The following ASAP1 variants were observed in gnomAD, a reference collection of about 807,000 sequenced individuals.
ASAP1 encodes arf-GAP with SH3 domain, ANK repeat and PH domain-containing protein 1.
In ASAP1, 43 loss-of-function variants were observed where a neutral mutation model predicts 145.2. That is an observed-to-expected ratio of 0.30 (90% CI 0.23 to 0.38). The LOEUF is 0.38. Among genes scored for constraint, ASAP1 ranks in the 10% least tolerant of loss-of-function variants. The pLI is 1.00. For missense variants in ASAP1, 1,018 were observed against 1,355.3 expected, an observed-to-expected ratio of 0.75 and a Z score of 3.91; for synonymous variants, 546 against 515.5, an observed-to-expected ratio of 1.06 and a Z score of -0.80.
rs551446286 is a variant in ASAP1, at chr8:130,338,592, G to C, written c.186+19425C>G. Reference sequence around the variant, plus strand: ...TGACTCTAGCTAGTCATGCATCTGTGTGGAATTTTTTCCATTTCTTTTATT... The same window carrying C: ...TGACTCTAGCTAGTCATGCATCTGTCTGGAATTTTTTCCATTTCTTTTATT... On this transcript the variant is annotated intron_variant, in intron 3 of 29. Transcript: ENST00000518721. 2.1e-4 allele frequency among the ~76,000 whole-genome samples: 32 copies of C among 152,300 alleles called. No individual in the cohort carries two copies. In the South Asian group the frequency reaches 6.6e-3, roughly 32 times the overall value.
intron 9 of ASAP1, among the ~76,000 whole-genome samples, chr8:130,176,221 T>C (rs544258224): frequency 1.3e-5 from 2 of 152,352 alleles, no homozygotes; most frequent in East Asian, 3.9e-4. Context: ...CAGCTGACTT[T>C]GTACTGAAAA....
chr8:130,329,272 C>T (rs1429612254), intron 3 of ASAP1, among the ~76,000 whole-genome samples: 1 of 152,236 alleles, frequency 6.6e-6, no homozygotes, highest in African/African-American at 2.4e-5. Flanking sequence ...TTGCTCCTCT[C>T]AAAACATGGC....
At chr8:130,198,062 T>C (rs1364071700) in intron 5 of ASAP1, among the ~76,000 whole-genome samples, 2 of 152,098 alleles carry the variant, frequency 1.3e-5, no homozygotes, top group Non-Finnish European at 2.9e-5. Context: ...CCTTCCCTAC[T>C]GAGGCTAGGG....
chr8:130,368,165 C>T (rs1247815077), intron 2 of ASAP1, among the ~76,000 whole-genome samples: 1 of 152,086 alleles, frequency 6.6e-6, no homozygotes, highest in African/African-American at 2.4e-5. Context: ...AGGTTTTTTG[C>T]TCTGGCCTTA....
intron 3 of ASAP1, among the ~76,000 whole-genome samples, chr8:130,351,969 C>G (rs1396089767): frequency 1.3e-5 from 2 of 152,200 alleles, no homozygotes; most frequent in Non-Finnish European, 2.9e-5. Flanking sequence ...ATTCTACAGA[C>G]AGATATATTC....
At chr8:130,167,907 T>C (rs1023213076) in intron 10 of ASAP1, among the ~76,000 whole-genome samples, 2 of 152,230 alleles carry the variant, frequency 1.3e-5, no homozygotes, top group Non-Finnish European at 2.9e-5. Context: ...ATTGAGATTA[T>C]TTGCTTCTGG....
chr8:130,331,090 A>G (rs1272717513), intron 3 of ASAP1, among the ~76,000 whole-genome samples: 1 of 152,210 alleles, frequency 6.6e-6, no homozygotes, highest in Non-Finnish European at 1.5e-5. Context: ...GATGGACATA[A>G]AGAATAGATA....
intron 18 of ASAP1, among the ~76,000 whole-genome samples, chr8:130,123,337 G>A (rs1592853221): frequency 6.6e-6 from 1 of 152,186 alleles, no homozygotes; most frequent in Non-Finnish European, 1.5e-5. Context: ...TTGCTGAGTG[G>A]GTTTTTAAGC....
At chr8:130,160,149 C>T in intron 11 of ASAP1, 185 bp from the exon 12 acceptor site, 1 of 573,544 alleles carries the variant, frequency 1.7e-6, no homozygotes, top group Non-Finnish European at 3.1e-6. Flanking sequence ...GCCAGAGTCA[C>T]AAAGCAAGTC....
intron 3 of ASAP1, among the ~76,000 whole-genome samples, chr8:130,322,257 T>C (rs1396181185): frequency 1.3e-5 from 2 of 151,884 alleles, no homozygotes; most frequent in Non-Finnish European, 2.9e-5. Flanking sequence ...CATACTCAGG[T>C]TTAGTTAGAA....
intron 18 of ASAP1, among the ~76,000 whole-genome samples, chr8:130,123,789 G>A (rs140464891): frequency 0.015 from 2,331 of 152,048 alleles, 62 homozygotes; most frequent in African/African-American, 0.052. Context: ...CACCACGCCC[G>A]GCTAATTTTT....
intron 27 of ASAP1, among the ~76,000 whole-genome samples, chr8:130,065,678 A>G (rs2097429236): frequency 6.6e-6 from 1 of 152,188 alleles, no homozygotes; most frequent in Non-Finnish European, 1.5e-5. Flanking sequence ...TTATACCAAA[A>G]CAAATGTATC....
intron 3 of ASAP1, among the ~76,000 whole-genome samples, chr8:130,256,883 C>T (rs771062244): frequency 3.8e-4 from 57 of 148,620 alleles, no homozygotes; most frequent in African/African-American, 5.2e-4. Flanking sequence ...TTTAATATAC[C>T]GCTGGGAGTA....
At chr8:130,327,852 T>G (rs543938095) in intron 3 of ASAP1, among the ~76,000 whole-genome samples, 1 of 152,296 alleles carries the variant, frequency 6.6e-6, no homozygotes, top group Admixed American at 6.5e-5. Context: ...TAAAAAACAC[T>G]GCATTGTATA....
intron 3 of ASAP1, among the ~76,000 whole-genome samples, chr8:130,319,246 C>T (rs116927205): frequency 0.016 from 2,500 of 152,228 alleles, 30 homozygotes; most frequent in Non-Finnish European, 0.025. Context: ...GATCACATAG[C>T]CAGAACCAGC....
chr8:130,098,695 G>A (rs537740964), intron 24 of ASAP1, among the ~76,000 whole-genome samples: 4 of 152,158 alleles, frequency 2.6e-5, no homozygotes, highest in Admixed American at 2.6e-4. Flanking sequence ...AGGATACATA[G>A]TGATATTTCA....
At chr8:130,325,129 T>C (rs1824246686) in intron 3 of ASAP1, among the ~76,000 whole-genome samples, 1 of 152,194 alleles carries the variant, frequency 6.6e-6, no homozygotes, top group Non-Finnish European at 1.5e-5. Context: ...ATAGCAGCAG[T>C]AATAATTAAT....
intron 25 of ASAP1, among the ~76,000 whole-genome samples, chr8:130,086,363 T>C (rs1403779714): frequency 6.6e-6 from 1 of 152,234 alleles, no homozygotes; most frequent in Non-Finnish European, 1.5e-5. Context: ...CGTTAACACA[T>C]GCGAAGTGCT....
intron 12 of ASAP1, among the ~76,000 whole-genome samples, chr8:130,156,626 C>T (rs955120116): frequency 2.6e-5 from 4 of 152,210 alleles, no homozygotes; most frequent in Admixed American, 2.0e-4. Flanking sequence ...AGAGTGATAA[C>T]AGCAGCAGTG....
Sources: gnomAD v4.1 joint callset for allele counts (sites outside exome capture counted in the v4.1 genomes callset) on GRCh38, gnomAD v4.1.1 for gene constraint, MANE v1.5 for transcripts, NCBI Gene and HGNC (gene_info 2026-07-23, HGNC 2026-07-21) for gene names.